PDE3A: variants seen among roughly 807,000 people sequenced by gnomAD.
The protein encoded by PDE3A is cGMP-inhibited 3',5'-cyclic phosphodiesterase 3A.
A neutral mutation model predicts 98.3 loss-of-function variants in PDE3A; 43 were observed. The observed-to-expected ratio is 0.44, with a 90% CI of 0.34 to 0.56. The LOEUF (loss-of-function observed/expected upper bound fraction) is 0.56, where lower values mean the gene tolerates loss of function less well. Ranked by LOEUF, PDE3A falls within the 20% of genes least tolerant of loss-of-function variation. The probability of loss-of-function intolerance (pLI) is 0.01; values close to 1 mark genes in which losing one functional copy is unlikely to be tolerated. For missense variants in PDE3A, 1,427 were observed against 1,440.7 expected (o/e 0.99, Z 0.15); for synonymous variants, 663 against 567.9 (o/e 1.17, Z -2.38).
At chr12:20,378,330 G>A (rs535480731) in intron 1 of PDE3A, among the ~76,000 whole-genome samples, 5 of 151,674 alleles carry the variant, frequency 3.3e-5, no homozygotes, top group African/African-American at 4.8e-5. Flanking sequence ...AACAATAGCC[G>A]TAATTCCAAT....
chr12:20,401,803 A>G (rs1176422772), intron 1 of PDE3A, among the ~76,000 whole-genome samples: 2 of 152,166 alleles, frequency 1.3e-5, no homozygotes, highest in Admixed American at 6.5e-5. Context: ...AGGATGATCA[A>G]TGTATAATTG....
Position 20,369,694 on chromosome 12 carries a change from T to C in PDE3A, c.410T>C (p.Phe137Ser), listed in dbSNP as rs1943425136. 1 of 1,611,694 alleles carries C rather than the reference T, an allele frequency of 6.2e-7. No homozygotes were observed. ...TGGCTGCAGCCCTCGGCGCTGCTCT[T>C]CAGTCTCCTGTGTGCCTTCTTCTGG... ...SPWLQPSALL[F>S]SLLCAFFWMG... Residue 137 changes from phenylalanine to serine, a missense_variant, in exon 1 of 16, where the codon TTC (phenylalanine) becomes TCC (serine). Transcript: ENST00000359062.
intron 15 of PDE3A, among the ~76,000 whole-genome samples, chr12:20,671,311 T>A (rs1179829282): frequency 6.6e-6 from 1 of 151,016 alleles, no homozygotes; most frequent in Non-Finnish European, 1.5e-5. Context: ...ACTATTCCAA[T>A]CAATAGAAAA....
chr12:20,621,565 C>T (rs1482149948), intron 5 of PDE3A, among the ~76,000 whole-genome samples, 154 bp downstream of exon 5: 1 of 152,042 alleles, frequency 6.6e-6, no homozygotes, highest in Non-Finnish European at 1.5e-5. Context: ...TTAGAAGTCT[C>T]AATAACCAAT....
Position 20,613,697 on chromosome 12 carries a change from A to C in PDE3A, c.1266A>C (p.Pro422=). Residue 422 remains proline, a synonymous_variant, in exon 3 of 16, where the codon CCA becomes CCC. Coordinates refer to ENST00000359062, the MANE Select transcript of PDE3A (RefSeq NM_000921.5). ...CTGAAAAAGACAAGCTTGCTATTCC[A>C]AAGGTAGGTAGTAATGACATACCCC... is the stretch of plus-strand genomic sequence containing the variant. ...ESSEKDKLAI[P]KRLRRSLPPG... is the part of the protein sequence containing the mutation. The C allele has an allele frequency of 6.2e-7, 1 of 1,613,452 alleles. No homozygotes were observed. Among genetic ancestry groups the C allele is most frequent in the Non-Finnish European group, 8.5e-7 (1 of 1,179,352 alleles).
rs1253403155 is a variant in PDE3A at position 20,371,548 on chromosome 12, G to A, written c.960+1304G>A. 1.0e-5 allele frequency: 7 copies of A among 698,336 alleles called. No individual in the cohort carries two copies. The African/African-American group carries it at 1.2e-4, about 12-fold the overall frequency. 43.3% of individuals were successfully genotyped at this position (698,336 alleles called of 1,614,324 possible). A position where few individuals can be genotyped will look rare whatever the true frequency, so the allele number is the denominator to read the frequency against. ...TTCTAAGAAATAGCAGTCACCATAT[G>A]GTGTGGGTGGCTAGTTGGTTTCTGA... is the stretch of plus-strand genomic sequence containing the variant. On this transcript the variant is annotated intron_variant, in intron 1 of 15. Transcript: ENST00000359062.
chr12:20,677,330 A>G (rs1945667068), intron 15 of PDE3A, among the ~76,000 whole-genome samples: 1 of 152,104 alleles, frequency 6.6e-6, no homozygotes, highest in Non-Finnish European at 1.5e-5. Context: ...ATTCTTATTC[A>G]TTGGAATCTG....
At chr12:20,457,508 C>T (rs946360530) in intron 1 of PDE3A, among the ~76,000 whole-genome samples, 1 of 151,220 alleles carries the variant, frequency 6.6e-6, no homozygotes, top group African/African-American at 2.4e-5. Flanking sequence ...TTTTATTTTT[C>T]GTTGTACAAA....
At chr12:20,371,509 A>T in intron 1 of PDE3A, 1 of 956,882 alleles carries the variant, frequency 1.0e-6, no homozygotes, top group East Asian at 1.2e-4. Flanking sequence ...TTCTGTGGAT[A>T]ATCATTTGGG....
At chr12:20,604,852 T>A (rs961809143) in intron 2 of PDE3A, among the ~76,000 whole-genome samples, 6 of 152,176 alleles carry the variant, frequency 3.9e-5, no homozygotes, top group African/African-American at 1.2e-4. Context: ...CAGGTTGCCG[T>A]TCTTACTTAC....
chr12:20,473,070 A>C lies in PDE3A; in HGVS notation c.961-83590A>C, dbSNP rs550892208. ...ATGAACATTTAAAATGGTAAGATAG[A>C]TCTTAGAAATGGTATCTGATTTCCT... On this transcript the variant is annotated intron_variant, in intron 1 of 15. Transcript: ENST00000359062. 1.0e-3 allele frequency among the ~76,000 whole-genome samples: 159 copies of C among 152,282 alleles called. 2 individuals carry two copies. Among genetic ancestry groups the C allele is most frequent in the African/African-American group, 3.7e-3 (152 of 41,578 alleles).
chr12:20,492,137 C>T (rs191883723), intron 1 of PDE3A, among the ~76,000 whole-genome samples: 10 of 152,196 alleles, frequency 6.6e-5, no homozygotes, highest in Admixed American at 6.5e-4. Context: ...TGCATCACCA[C>T]GTCCAGCCAA....
Position 20,552,021 on chromosome 12 carries a change from G to T in PDE3A, c.961-4639G>T. On this transcript the variant is annotated intron_variant, in intron 1 of 15. Transcript: ENST00000359062. This position sits in a 1 kb window ranked among gnomAD's most constrained non-coding sequence, Gnocchi z 5.1. ...GAGCGTACTCCCTAGTCCTGGCGGG[G>T]GGCTACGAGGATGACGTGGACCATG... The T allele has an allele frequency of 1.2e-6, 2 of 1,612,482 alleles. No individual in the cohort carries two copies. The highest frequency in any genetic ancestry group is 1.7e-6 in the Non-Finnish European group (2 of 1,179,906).
chr12:20,447,319 C>G (rs1396295796), intron 1 of PDE3A, among the ~76,000 whole-genome samples: 1 of 152,184 alleles, frequency 6.6e-6, no homozygotes, highest in Non-Finnish European at 1.5e-5. Context: ...TCCTAAAACC[C>G]TTGATAAGAA....
At chr12:20,486,447 A>G (rs938300218) in intron 1 of PDE3A, among the ~76,000 whole-genome samples, 1 of 152,202 alleles carries the variant, frequency 6.6e-6, no homozygotes, top group Admixed American at 6.5e-5. Context: ...CATGGGGATT[A>G]CAATTCAAGA....
chr12:20,527,909 T>C (rs1166291323), intron 1 of PDE3A, among the ~76,000 whole-genome samples: 1 of 149,832 alleles, frequency 6.7e-6, no homozygotes, highest in Non-Finnish European at 1.5e-5. Context: ...TGTGTCTGTA[T>C]AACTTTAAAA....
intron 15 of PDE3A, among the ~76,000 whole-genome samples, chr12:20,658,719 C>T (rs182176414): frequency 5.8e-4 from 88 of 152,306 alleles, no homozygotes; most frequent in African/African-American, 2.1e-3. Context: ...TACCTTTCTT[C>T]TTTCCTTCCA....
intron 2 of PDE3A, among the ~76,000 whole-genome samples, chr12:20,592,537 C>T (rs867177066): frequency 1.3e-5 from 2 of 152,158 alleles, no homozygotes; most frequent in Admixed American, 6.5e-5. Flanking sequence ...ACGAAAGCCA[C>T]TTTCTGTGAA....
intron 2 of PDE3A, among the ~76,000 whole-genome samples, chr12:20,591,109 C>G (rs1007948459): frequency 1.3e-5 from 2 of 152,224 alleles, no homozygotes; most frequent in Non-Finnish European, 2.9e-5. Context: ...ATAGTCCTTT[C>G]TGGCATATTA....
Sources: gnomAD v4.1 joint callset for allele counts (sites outside exome capture counted in the v4.1 genomes callset) on GRCh38, gnomAD v4.1.1 for gene constraint, Gnocchi (gnomAD v3.1) non-coding constraint, MANE v1.5 for transcripts, NCBI Gene and HGNC (gene_info 2026-07-23, HGNC 2026-07-21) for gene names.